The following MEFV variants were observed in gnomAD, a reference collection of about 807,000 sequenced individuals.
The protein encoded by MEFV is pyrin.
In MEFV, 60 loss-of-function variants were observed where a neutral mutation model predicts 62.5. The ratio of observed to expected loss-of-function variants is 0.96; its 90% confidence interval spans 0.78 to 1.19. The LOEUF (loss-of-function observed/expected upper bound fraction) is 1.19. MEFV is among the 50% of genes most tolerant of loss of function. The pLI is 0.00. For missense variants in MEFV, 1,169 were observed against 1,004.5 expected (o/e 1.16, Z -2.21); for synonymous variants, 500 against 415.2 (o/e 1.20, Z -2.48).
intron 6 of MEFV, among the ~76,000 whole-genome samples, chr16:3,245,572 T>G (rs1958929565): frequency 6.6e-6 from 1 of 151,752 alleles, no homozygotes; most frequent in African/African-American, 2.4e-5. Flanking sequence ...AGGCAGAGGT[T>G]GTAGTGAGCC....
chr16:3,255,274 G>A (rs1217989666), intron 1 of MEFV, among the ~76,000 whole-genome samples: 1 of 152,112 alleles, frequency 6.6e-6, no homozygotes, highest in Non-Finnish European at 1.5e-5. Flanking sequence ...CTGAGATCGG[G>A]CCACTGCACT....
At chr16:3,255,209 C>T (rs1034105863) in intron 1 of MEFV, among the ~76,000 whole-genome samples, 1 of 151,930 alleles carries the variant, frequency 6.6e-6, no homozygotes, top group Non-Finnish European at 1.5e-5. Flanking sequence ...CCCAGCTACT[C>T]GGGAGGCTGA....
rs1958945746 is a variant in MEFV at position 3,246,560 on chromosome 16, A to G, written c.1588-13T>C. The G allele has an allele frequency of 1.2e-6, 2 of 1,614,006 alleles. No individual in the cohort carries two copies. The highest frequency in any genetic ancestry group is 1.1e-5 in the South Asian group (1 of 91,084). On this transcript the variant is annotated splice_polypyrimidine_tract_variant and intron_variant, in intron 5 of 9. Transcript: ENST00000219596. ...TGTCTCCAATGTCCTAGGAGAAAAAAGAAGGAAACTGTCGGTTACCAGGCT... is the reference window on the plus strand; with the variant it reads ...TGTCTCCAATGTCCTAGGAGAAAAAGGAAGGAAACTGTCGGTTACCAGGCT...
At chr16:3,246,333 CCTCCCTGCTGACCAGATGCCCTT>C (rs1210625570) in intron 6 of MEFV, 169 bp downstream of exon 6, 1 of 638,178 alleles carries the variant, frequency 1.6e-6, no homozygotes, top group East Asian at 2.8e-5. Flanking sequence ...ACCCGGCCAG[CCTCCCTGCTGACCAGATGCCCTT>C]CTCCCTATCA....
chr16:3,251,023 C>CAAAAAAAAAAAAAAAAAAAA (rs58529756), intron 2 of MEFV, among the ~76,000 whole-genome samples: 1 of 49,408 alleles, frequency 2.0e-5, no homozygotes, highest in African/African-American at 6.6e-5. Context: ...GACTCCATCT[C>CAAAAAAAAAAAAAAAAAAAA]AAAAAAAAAA....
In MEFV at chr16:3,242,989, G is replaced by T; in HGVS notation, c.*152C>A. Reference sequence around the variant, plus strand: ...ACATGTTCGTTCCTAACTTACCTCTGCTATAATCGGGTAGGCTCCGTGGGC... The same window carrying T: ...ACATGTTCGTTCCTAACTTACCTCTTCTATAATCGGGTAGGCTCCGTGGGC... On this transcript the variant is annotated 3_prime_UTR_variant, in exon 10 of 10. Coordinates refer to ENST00000219596, the MANE Select transcript of MEFV (RefSeq NM_000243.3). 1 of 811,270 alleles carries T rather than the reference G, an allele frequency of 1.2e-6. No homozygotes were observed. The allele number at this position is 811,270 out of a possible 1,614,324, so 50.3% of individuals were successfully genotyped here. A position where few individuals can be genotyped will look rare whatever the true frequency, so the allele number is the denominator to read the frequency against.
Position 3,254,694 on chromosome 16 carries a change from TC to T in MEFV, c.373del (p.Glu125ArgfsTer34). On this transcript the variant is annotated frameshift_variant, in exon 2 of 10. Coordinates refer to ENST00000219596, the MANE Select transcript of MEFV (RefSeq NM_000243.3). LOFTEE classifies it high-confidence loss of function. ...PRSLKTPDHP[E>X]GNEGNGPRPY... ...CCGAGGGCCGTTCCCCTCGTTCCCC[TC>T]GGGGTGGTCTGGAGTCTTCAGGCTC... 2 of 1,612,582 alleles carry T rather than the reference TC, an allele frequency of 1.2e-6. No homozygotes were observed. The highest frequency in any genetic ancestry group is 1.1e-5 in the South Asian group (1 of 91,088).
At chr16:3,252,886 G>T (rs547472610) in intron 2 of MEFV, among the ~76,000 whole-genome samples, 1 of 149,116 alleles carries the variant, frequency 6.7e-6, no homozygotes. Context: ...GGAGGTTGAG[G>T]CTGCAGTAAA....
chr16:3,243,297 G>C lies in MEFV; in HGVS notation c.2190C>G (p.Ser730=), dbSNP rs1202464357. 3 of 1,614,206 alleles carry C rather than the reference G, an allele frequency of 1.9e-6. No individual in the cohort carries two copies. The highest frequency in any genetic ancestry group is 2.5e-6 in the Non-Finnish European group (3 of 1,180,044). ...IFVDYRVGSI[S]FYNVTARSHI... ...GGGATCTGGCTGTCACATTGTAAAAGGAGATGCTTCCAACTCTGTAGTCCA... is the reference window on the plus strand; with the variant it reads ...GGGATCTGGCTGTCACATTGTAAAACGAGATGCTTCCAACTCTGTAGTCCA... Residue 730 remains serine (S), a synonymous_variant, in exon 10 of 10, where the codon TCC becomes TCG. Coordinates refer to ENST00000219596, the MANE Select transcript of MEFV (RefSeq NM_000243.3).
rs758852605 is a variant in MEFV, at chr16:3,249,806, CCT to C, written c.911-28_911-27del. ...CTGGGGACATGCAGTGGAAAAACCC[CCT>C]GAATGGCAAACCCAAGTTGCTTACA... On this transcript the variant is annotated intron_variant, in intron 2 of 9. Transcript: ENST00000219596. The C allele has an allele frequency of 8.1e-6, 13 of 1,596,858 alleles. No individual in the cohort carries two copies. The South Asian group carries it at 8.9e-5, about 11-fold the overall frequency.
rs104895173 is a variant in MEFV at position 3,247,198 on chromosome 16, C to T, written c.1405G>A (p.Val469Met). 7 of 1,614,220 alleles carry T rather than the reference C, an allele frequency of 4.3e-6. No homozygotes were observed. The highest frequency in any genetic ancestry group is 5.9e-6 in the Non-Finnish European group (7 of 1,180,038). ...KQRVQRKLEQVYYFLEQQEHF... is the reference protein window; with the variant it reads ...KQRVQRKLEQMYYFLEQQEHF... ...TCTTGCTGCTCCAGGAAGTAGTACA[C>T]CTGCTCCAGCTTCCTCTGCACCCGC... is the stretch of plus-strand genomic sequence containing the variant. Residue 469 changes from valine to methionine, a missense_variant, in exon 5 of 10, where the codon GTG becomes ATG. Val to Met is a conservative substitution (Grantham distance 21). Coordinates refer to ENST00000219596, the MANE Select transcript of MEFV (RefSeq NM_000243.3).
intron 1 of MEFV, among the ~76,000 whole-genome samples, chr16:3,255,115 G>A (rs991028953): frequency 9.9e-5 from 15 of 152,282 alleles, no homozygotes; most frequent in Admixed American, 9.1e-4. Flanking sequence ...TCAGGAGTTC[G>A]AGACCAGCCT....
chr16:3,253,867 T>C (rs567926682), intron 2 of MEFV, among the ~76,000 whole-genome samples: 3 of 152,240 alleles, frequency 2.0e-5, no homozygotes, highest in African/African-American at 7.2e-5. Flanking sequence ...CCTAGGCTAG[T>C]ATGGAACTCC....
At position 3,251,884 on chromosome 16, in the gene MEFV, G is replaced by A. The variant is rs191536919; in HGVS notation, c.911-2104C>T. ...GGGTCTAAGCCTGCATCAGATTAAC[G>A]AAGCGGCCCTAGAAGACACCCAGGA... On this transcript the variant is annotated intron_variant, in intron 2 of 9. Coordinates refer to ENST00000219596, the MANE Select transcript of MEFV (RefSeq NM_000243.3). The A allele has an allele frequency of 2.4e-4, 50 of 211,280 alleles. 2 individuals are homozygous for A. The South Asian group carries it at 2.4e-3, about 10-fold the overall frequency. 13.1% of individuals were successfully genotyped at this position (211,280 alleles called of 1,614,324 possible).
At chr16:3,254,851 G>A in intron 1 of MEFV, 61 bp from the exon 2 acceptor site, 1 of 1,602,008 alleles carries the variant, frequency 6.2e-7, no homozygotes, top group South Asian at 1.1e-5. Context: ...CCAAGATTCA[G>A]GGCAGAGGAG....
intron 2 of MEFV, among the ~76,000 whole-genome samples, chr16:3,250,948 C>A (rs945691655): frequency 5.6e-5 from 8 of 141,988 alleles, no homozygotes; most frequent in Admixed American, 3.7e-4. Flanking sequence ...TGCTTGAACC[C>A]GGGAGGCGGA....
At position 3,254,641 on chromosome 16, in the gene MEFV, G is replaced by A. The variant is rs771318049; in HGVS notation, c.427C>T (p.Arg143Trp). 2 of 1,607,368 alleles carry A rather than the reference G, an allele frequency of 1.2e-6. No individual in the cohort carries two copies. The highest frequency in any genetic ancestry group is 3.3e-5 in the Admixed American group (2 of 59,764). ...CTCCCGGCCTCGGGCTGGCTGCACC[G>A]CAGGCTGGCAGCTCCGCCCCCGTAC... ...RPYGGGAASL[R>W]CSQPEAGRGL... The change falls in exon 2 of 10, where the codon CGG (arginine) becomes TGG (tryptophan). Residue 143 changes from arginine to tryptophan, a missense_variant. By Grantham distance (101) the Arg-to-Trp change is moderately radical (BLOSUM62 -3). Transcript: ENST00000219596.
At position 3,243,169 on chromosome 16, in the gene MEFV, C is replaced by T. The variant is rs1430125672; in HGVS notation, c.2318G>A (p.Cys773Tyr). ...GGKNTAPLTI[C>Y]PVGGQGPD ...GTCAGGCCCCTGACCACCCACTGGA[C>T]AGATAGTCAGAGGAGCTGTGTTCTT... The change falls in exon 10 of 10, where the codon TGT becomes TAT. Residue 773 changes from cysteine (C) to tyrosine (Y), a missense_variant. Transcript: ENST00000219596. 3.1e-6 allele frequency: 5 copies of T among 1,613,760 alleles called. No homozygotes were observed. In the Admixed American group the frequency reaches 8.3e-5, roughly 27 times the overall value.
In MEFV at chr16:3,243,132, G is replaced by C. The variant is rs11466048; in HGVS notation, c.*9C>G. On this transcript the variant is annotated 3_prime_UTR_variant, in exon 10 of 10. Coordinates refer to ENST00000219596, the MANE Select transcript of MEFV (RefSeq NM_000243.3). ...CCAGAAGCAGGAAGAGAGATGCAGTGTTGGGCATTCAGTCAGGCCCCTGAC... is the reference window on the plus strand; with the variant it reads ...CCAGAAGCAGGAAGAGAGATGCAGTCTTGGGCATTCAGTCAGGCCCCTGAC... 1.9e-6 allele frequency: 3 copies of C among 1,612,346 alleles called. No individual in the cohort carries two copies. The African/African-American group carries it at 4.0e-5, about 22-fold the overall frequency.
Sources: gnomAD v4.1 joint callset for allele counts (sites outside exome capture counted in the v4.1 genomes callset) on GRCh38, gnomAD v4.1.1 for gene constraint, MANE v1.5 for transcripts, NCBI Gene and HGNC (gene_info 2026-07-23, HGNC 2026-07-21) for gene names.